Variants in MAP2K4 observed in about 807,000 individuals in gnomAD.
MAP2K4 encodes dual specificity mitogen-activated protein kinase kinase 4.
In MAP2K4, 4 loss-of-function variants were observed where a neutral mutation model predicts 48.5. That is an observed-to-expected ratio of 0.08 (90% CI 0.04 to 0.19). MAP2K4 has a LOEUF of 0.19. Among genes scored for constraint, MAP2K4 ranks in the 10% least tolerant of loss-of-function variants. MAP2K4 has a pLI of 1.00. For synonymous variants in MAP2K4, 166 were observed against 173.1 expected (o/e 0.96, Z 0.32); for missense variants, 258 against 493.3 (o/e 0.52, Z 4.52).
At chr17:12,096,895 T>C (rs936564606) in intron 4 of MAP2K4, among the ~76,000 whole-genome samples, 2 of 152,208 alleles carry the variant, frequency 1.3e-5, no homozygotes, top group African/African-American at 2.4e-5. Flanking sequence ...GAATCACTAA[T>C]TGTTAATTCT....
In MAP2K4 at chr17:12,048,752, G is replaced by T. The variant is rs563087087; in HGVS notation, c.116-6137G>T. On this transcript the variant is annotated intron_variant, in intron 1 of 10. Transcript: ENST00000353533. ...GCTCACTGAAACCTATACCTCCTGG[G>T]TTCAAGCGATTCCATTGCCTCAGCC... Among the ~76,000 whole-genome samples the T allele has an allele frequency of 2.8e-4, 43 of 152,190 alleles. 1 individual carries two copies. Among genetic ancestry groups the T allele is most frequent in the African/African-American group, 1.0e-3 (42 of 41,508 alleles).
At position 12,081,596 on chromosome 17, in the gene MAP2K4, A is replaced by G. The variant is rs1971187312; in HGVS notation, c.393+66A>G. 7 of 1,488,124 alleles carry G rather than the reference A, an allele frequency of 4.7e-6. No individual in the cohort carries two copies. Among genetic ancestry groups the G allele is most frequent in the Non-Finnish European group, 5.5e-6 (6 of 1,081,902 alleles). 92.2% of individuals were successfully genotyped at this position (1,488,124 alleles called of 1,614,324 possible). A position where few individuals can be genotyped will look rare whatever the true frequency, so the allele number is the denominator to read the frequency against. ...AGGTGAAATTTCATGGTGCAGTAATACCACTGTTGTTGTGTTCCTACTTTT... is the reference window on the plus strand; with the variant it reads ...AGGTGAAATTTCATGGTGCAGTAATGCCACTGTTGTTGTGTTCCTACTTTT... On this transcript the variant is annotated intron_variant, in intron 3 of 10. Coordinates refer to ENST00000353533, the MANE Select transcript of MAP2K4 (RefSeq NM_003010.4). This position sits in a 1 kb window ranked among gnomAD's most constrained non-coding sequence, Gnocchi z 4.2.
chr17:12,053,902 G>T (rs1406624600), intron 1 of MAP2K4, among the ~76,000 whole-genome samples: 2 of 152,072 alleles, frequency 1.3e-5, no homozygotes, highest in Admixed American at 1.3e-4. Flanking sequence ...GATATTTTTT[G>T]AGTAGTTAAT....
At chr17:12,063,027 T>C (rs1970501270) in intron 2 of MAP2K4, among the ~76,000 whole-genome samples, 1 of 152,192 alleles carries the variant, frequency 6.6e-6, no homozygotes, top group Non-Finnish European at 1.5e-5. Flanking sequence ...CAATTTATTA[T>C]TATTTTATTC....
chr17:12,081,299 G>T lies in MAP2K4; in HGVS notation c.219-57G>T, dbSNP rs1391544604. The T allele has an allele frequency of 7.0e-7, 1 of 1,436,300 alleles. No homozygotes were observed. Among genetic ancestry groups the T allele is most frequent in the Non-Finnish European group, 9.5e-7 (1 of 1,051,012 alleles). The allele number at this position is 1,436,300 out of a possible 1,614,324, so 89.0% of individuals were successfully genotyped here. The stretch of plus-strand genomic sequence containing the variant: ...TCCCACACATTAATCAGTACTAAAA[G>T]AAAAAAGTTAAAACCTATTTAAAAT... On this transcript the variant is annotated intron_variant, in intron 2 of 10. Transcript: ENST00000353533. The surrounding 1 kb of genome is among the most constrained non-coding windows in gnomAD (Gnocchi z 4.2).
chr17:12,108,065 TA>T (rs1317957924), intron 5 of MAP2K4, among the ~76,000 whole-genome samples, 156 bp downstream of exon 5: 1 of 152,132 alleles, frequency 6.6e-6, no homozygotes, highest in Non-Finnish European at 1.5e-5. Flanking sequence ...GTGGGGTAGT[TA>T]ACACAATAGG....
chr17:12,116,371 C>G (rs1345998484), intron 7 of MAP2K4, among the ~76,000 whole-genome samples: 1 of 152,078 alleles, frequency 6.6e-6, no homozygotes, highest in East Asian at 1.9e-4. Flanking sequence ...GCCTAGGATG[C>G]TACTGTAGAC....
intron 2 of MAP2K4, among the ~76,000 whole-genome samples, chr17:12,066,645 T>A (rs1597431354): frequency 1.3e-5 from 2 of 152,244 alleles, no homozygotes; most frequent in South Asian, 2.1e-4. Flanking sequence ...TTCTTGTGCC[T>A]CAGCCTCCCA....
At chr17:12,084,752 T>C (rs1048709902) in intron 3 of MAP2K4, among the ~76,000 whole-genome samples, 1 of 152,122 alleles carries the variant, frequency 6.6e-6, no homozygotes, top group Non-Finnish European at 1.5e-5. Flanking sequence ...CTCATCTATA[T>C]GTTAACCAGC....
At chr17:12,107,193 A>G (rs1256247169) in intron 4 of MAP2K4, among the ~76,000 whole-genome samples, 1 of 152,108 alleles carries the variant, frequency 6.6e-6, no homozygotes, top group African/African-American at 2.4e-5. Flanking sequence ...TATGAGACAA[A>G]CATAATAAAT....
rs568012626 is a variant in MAP2K4 at position 12,141,856 on chromosome 17, G to A, written c.*596G>A. 8.6e-6 allele frequency: 2 copies of A among 233,612 alleles called. No homozygotes were observed. The highest frequency in any genetic ancestry group is 1.7e-5 in the Non-Finnish European group (2 of 118,136). 14.5% of individuals were successfully genotyped at this position (233,612 alleles called of 1,614,324 possible). ...ATGTGCTCAGCCAAATTTCCTGTTT[G>A]AAATATCATGTTAAATTAGAATGAA... On this transcript the variant is annotated 3_prime_UTR_variant, in exon 11 of 11. Transcript: ENST00000353533.
intron 3 of MAP2K4, chr17:12,082,044 G>T (rs770277661): frequency 4.4e-6 from 2 of 453,504 alleles, no homozygotes; most frequent in South Asian, 3.2e-5. Context: ...ACTCAGTACT[G>T]CCCTGTTCCC....
intron 2 of MAP2K4, among the ~76,000 whole-genome samples, chr17:12,057,939 G>GT (rs993427795): frequency 6.7e-5 from 10 of 150,110 alleles, no homozygotes; most frequent in Middle Eastern, 3.2e-3. Context: ...CTCTTTCTCA[G>GT]TTTTTTTTTA....
chr17:12,139,437 G>T (rs1052561195), intron 9 of MAP2K4, among the ~76,000 whole-genome samples: 4 of 151,918 alleles, frequency 2.6e-5, no homozygotes, highest in Non-Finnish European at 5.9e-5. Context: ...CTTGATTGCT[G>T]GTTTCTCTTG....
intron 3 of MAP2K4, among the ~76,000 whole-genome samples, chr17:12,094,638 TA>T (rs780281494): frequency 1.0e-3 from 154 of 152,330 alleles, no homozygotes; most frequent in African/African-American, 2.8e-3. Flanking sequence ...ATTTTATTAT[TA>T]TTTTTTTATA....
intron 4 of MAP2K4, among the ~76,000 whole-genome samples, chr17:12,107,020 T>C (rs910692606): frequency 3.3e-5 from 5 of 152,088 alleles, no homozygotes; most frequent in African/African-American, 1.2e-4. Flanking sequence ...TATCAACACA[T>C]TTATTTCTGT....
At chr17:12,032,197 A>G in intron 1 of MAP2K4, 1 of 726,898 alleles carries the variant, frequency 1.4e-6, no homozygotes, top group South Asian at 2.8e-5. Flanking sequence ...TAAAAATGCA[A>G]TGTCATGTTC....
At chr17:12,073,446 A>C (rs1480507921) in intron 2 of MAP2K4, among the ~76,000 whole-genome samples, 1 of 152,216 alleles carries the variant, frequency 6.6e-6, no homozygotes, top group African/African-American at 2.4e-5. Flanking sequence ...AGAAAATTGG[A>C]GAGAGGAGAA....
At chr17:12,138,295 C>T (rs1376658280) in intron 9 of MAP2K4, among the ~76,000 whole-genome samples, 1 of 152,050 alleles carries the variant, frequency 6.6e-6, no homozygotes, top group East Asian at 1.9e-4. Flanking sequence ...TACCCCAAAA[C>T]TTGACTACTA....
Sources: gnomAD v4.1 joint callset for allele counts (sites outside exome capture counted in the v4.1 genomes callset) on GRCh38, gnomAD v4.1.1 for gene constraint, Gnocchi (gnomAD v3.1) non-coding constraint, MANE v1.5 for transcripts, NCBI Gene and HGNC (gene_info 2026-07-23, HGNC 2026-07-21) for gene names.